The following AKAP10 variants were observed in gnomAD, a reference collection of about 807,000 sequenced individuals.
AKAP10 encodes the protein A-kinase anchoring protein 10, also known as A-kinase anchor protein 10, mitochondrial.
Under a neutral mutation model 80.8 loss-of-function variants are expected in AKAP10, and 24 were observed. The observed-to-expected ratio is 0.30, with a 90% confidence interval of 0.22 to 0.42. The LOEUF is 0.42. Among genes scored for constraint, AKAP10 ranks in the 10% least tolerant of loss-of-function variants. The pLI, the probability that AKAP10 is intolerant of heterozygous loss-of-function variation, is 1.00. For missense variants in AKAP10, 661 were observed against 794.9 expected (o/e 0.83, Z 2.03); for synonymous variants, 291 against 277.7 (o/e 1.05, Z -0.48).
At chr17:19,949,514 G>A (rs1411680832) in intron 4 of AKAP10, among the ~76,000 whole-genome samples, 4 of 152,152 alleles carry the variant, frequency 2.6e-5, no homozygotes, top group Non-Finnish European at 5.9e-5. Context: ...GCTCACGCCT[G>A]TAATCCCAGC....
At chr17:19,923,008 T>C (rs1375971899) in intron 11 of AKAP10, among the ~76,000 whole-genome samples, 1 of 152,254 alleles carries the variant, frequency 6.6e-6, no homozygotes, top group Non-Finnish European at 1.5e-5. Flanking sequence ...CTTAAATAAA[T>C]GAACCATCCC....
chr17:19,910,846 C>T (rs1179232402), intron 12 of AKAP10, among the ~76,000 whole-genome samples: 3 of 152,180 alleles, frequency 2.0e-5, no homozygotes, highest in East Asian at 3.9e-4. Flanking sequence ...AGCCAGAGTA[C>T]GCCTTAACTC....
chr17:19,946,259 ATATATATATATATATATTT>A (rs1567765843), intron 5 of AKAP10, among the ~76,000 whole-genome samples: 15 of 23,914 alleles, frequency 6.3e-4, no homozygotes, highest in Non-Finnish European at 8.7e-4. Flanking sequence ...ATATATATAT[ATATATATATATATATATTT>A]TTTTTTTTTT....
At chr17:19,920,004 G>T in intron 12 of AKAP10, 32 bp downstream of exon 12, 1 of 1,560,274 alleles carries the variant, frequency 6.4e-7, no homozygotes, top group African/African-American at 1.4e-5. Context: ...TGTGAGTAAA[G>T]GCTTAATATG....
At chr17:19,914,778 A>G (rs1436996346) in intron 12 of AKAP10, among the ~76,000 whole-genome samples, 4 of 152,146 alleles carry the variant, frequency 2.6e-5, no homozygotes, top group African/African-American at 9.7e-5. Flanking sequence ...CCATCCTTGC[A>G]TGAAAGCCAT....
At chr17:19,935,291 C>G (rs2042980851) in intron 9 of AKAP10, among the ~76,000 whole-genome samples, 2 of 152,070 alleles carry the variant, frequency 1.3e-5, no homozygotes, top group Non-Finnish European at 2.9e-5. Context: ...AAAAATGGTA[C>G]ATCTGTATAG....
chr17:19,914,278 G>T (rs1456713616), intron 12 of AKAP10, among the ~76,000 whole-genome samples: 1 of 152,172 alleles, frequency 6.6e-6, no homozygotes. Context: ...GAGATTACAG[G>T]TGTGAGGCAC....
chr17:19,965,112 T>C (rs1315385459), intron 2 of AKAP10, among the ~76,000 whole-genome samples: 3 of 152,200 alleles, frequency 2.0e-5, no homozygotes, highest in Admixed American at 6.5e-5. Flanking sequence ...CCACATTGAC[T>C]TTACCATCTC....
chr17:19,950,328 G>T (rs957007342), intron 4 of AKAP10, among the ~76,000 whole-genome samples: 1 of 152,250 alleles, frequency 6.6e-6, no homozygotes, highest in East Asian at 1.9e-4. Flanking sequence ...CCCTCTCCCC[G>T]GTCTCCCTCT....
Position 19,977,750 on chromosome 17 carries a change from G to T in AKAP10, c.-71C>A. On this transcript the variant is annotated 5_prime_UTR_variant, in exon 1 of 15. Coordinates refer to ENST00000225737, the MANE Select transcript of AKAP10 (RefSeq NM_007202.4). ...AGCGCGAAAAGGGACCCTTCTTCCGGGAGTGGGCCCCACCGCCTCCTCGGG... is the reference window on the plus strand; with the variant it reads ...AGCGCGAAAAGGGACCCTTCTTCCGTGAGTGGGCCCCACCGCCTCCTCGGG... 1.0e-6 allele frequency: 1 copy of T among 994,306 alleles called. No individual in the cohort carries two copies. Among genetic ancestry groups the T allele is most frequent in the Non-Finnish European group, 1.3e-6 (1 of 768,742 alleles). The allele number at this position is 994,306 out of a possible 1,614,324, so 61.6% of individuals were successfully genotyped here. A position where few individuals can be genotyped will look rare whatever the true frequency, so the allele number is the denominator to read the frequency against.
chr17:19,925,069 C>T (rs1421335400), intron 10 of AKAP10, among the ~76,000 whole-genome samples: 1 of 152,076 alleles, frequency 6.6e-6, no homozygotes, highest in Non-Finnish European at 1.5e-5. Flanking sequence ...GAGGCTGAGA[C>T]ATGAGAATCA....
At chr17:19,973,536 G>A (rs2043526249) in intron 1 of AKAP10, among the ~76,000 whole-genome samples, 1 of 152,150 alleles carries the variant, frequency 6.6e-6, no homozygotes, top group Non-Finnish European at 1.5e-5. Context: ...CTCTATATCC[G>A]AAATTCCCAA....
intron 12 of AKAP10, among the ~76,000 whole-genome samples, chr17:19,913,031 G>T: frequency 6.7e-6 from 1 of 148,996 alleles, no homozygotes; most frequent in Admixed American, 6.7e-5. Flanking sequence ...AGGCTGGAAT[G>T]TAGTGGTGCA....
At chr17:19,908,146 T>A (rs1010902238) in intron 14 of AKAP10, among the ~76,000 whole-genome samples, 2 of 152,154 alleles carry the variant, frequency 1.3e-5, no homozygotes, top group African/African-American at 4.8e-5. Context: ...ATTACAGGCA[T>A]GAGCCACTGC....
At chr17:19,953,604 C>T (rs950080050) in intron 4 of AKAP10, among the ~76,000 whole-genome samples, 4 of 152,070 alleles carry the variant, frequency 2.6e-5, no homozygotes, top group Non-Finnish European at 5.9e-5. Flanking sequence ...ATAAATTTGA[C>T]AATTCAATAC....
chr17:19,969,082 G>A (rs189543731), intron 1 of AKAP10, among the ~76,000 whole-genome samples: 8 of 152,276 alleles, frequency 5.3e-5, no homozygotes, highest in African/African-American at 1.7e-4. Context: ...GGTGGCTCAC[G>A]CCTGTAATTC....
chr17:19,911,316 C>T (rs573550392), intron 12 of AKAP10, among the ~76,000 whole-genome samples: 1 of 152,202 alleles, frequency 6.6e-6, no homozygotes, highest in African/African-American at 2.4e-5. Context: ...CCAATTTACA[C>T]ATGAAATCTG....
Position 19,941,820 on chromosome 17 carries a change from A to G in AKAP10, c.1061+6T>C. The G allele has an allele frequency of 1.3e-6, 2 of 1,580,434 alleles. No individual in the cohort carries two copies. Among genetic ancestry groups the G allele is most frequent in the Non-Finnish European group, 1.7e-6 (2 of 1,162,852 alleles). On this transcript the variant is annotated splice_donor_region_variant and intron_variant, in intron 6 of 14. Transcript: ENST00000225737. ...ATGCACAATGTGAAAATATGAACTA[A>G]CTTACTCTTGCTCCATTGCACTAAA...
chr17:19,946,091 A>AT (rs532861879), intron 5 of AKAP10, among the ~76,000 whole-genome samples: 3 of 137,610 alleles, frequency 2.2e-5, no homozygotes, highest in African/African-American at 8.3e-5. Flanking sequence ...AGATACTTTG[A>AT]TTTTTTTATT....
Sources: gnomAD v4.1 joint callset for allele counts (sites outside exome capture counted in the v4.1 genomes callset) on GRCh38, gnomAD v4.1.1 for gene constraint, MANE v1.5 for transcripts, NCBI Gene and HGNC (gene_info 2026-07-23, HGNC 2026-07-21) for gene names.